The following TNFSF8 variants were observed in gnomAD, a reference collection of about 807,000 sequenced individuals.
TNFSF8 encodes tumor necrosis factor ligand superfamily member 8.
A neutral mutation model predicts 22.0 loss-of-function variants in TNFSF8; 4 were observed. The ratio of observed to expected loss-of-function variants is 0.18; its 90% CI spans 0.09 to 0.42. The LOEUF (loss-of-function observed/expected upper bound fraction) is 0.42. TNFSF8 is among the 10% of genes least tolerant of loss of function. The pLI is 1.00. For missense variants in TNFSF8, 233 were observed against 281.8 expected, an observed-to-expected ratio of 0.83 and a Z score of 1.24; for synonymous variants, 106 against 112.5, an observed-to-expected ratio of 0.94 and a Z score of 0.37.
At chr9:114,926,181 A>G (rs1828055409) in intron 1 of TNFSF8, among the ~76,000 whole-genome samples, 1 of 152,208 alleles carries the variant, frequency 6.6e-6, no homozygotes, top group Non-Finnish European at 1.5e-5. Context: ...GTACACTAGT[A>G]CAATCTCTTT....
At chr9:114,928,295 G>C (rs1318379398) in intron 1 of TNFSF8, among the ~76,000 whole-genome samples, 1 of 152,152 alleles carries the variant, frequency 6.6e-6, no homozygotes, top group Non-Finnish European at 1.5e-5. Context: ...AGGGGATGCT[G>C]CTTGCATCAA....
At chr9:114,922,531 T>A (rs893744168) in intron 1 of TNFSF8, among the ~76,000 whole-genome samples, 1 of 152,188 alleles carries the variant, frequency 6.6e-6, no homozygotes, top group Non-Finnish European at 1.5e-5. Flanking sequence ...GATTTCATAA[T>A]GTGATAATGT....
At chr9:114,915,002 G>A (rs1044209922) in intron 2 of TNFSF8, among the ~76,000 whole-genome samples, 1 of 152,172 alleles carries the variant, frequency 6.6e-6, no homozygotes, top group African/African-American at 2.4e-5. Context: ...TGCTGATGGT[G>A]GAAGATTTTC....
chr9:114,905,843 A>G lies in TNFSF8; in HGVS notation c.295T>C (p.Trp99Arg). ...GGTTACTGACCTTGGAGGTAGGCCC[A>G]TGACTTCTTGAATGGAGCCCTTTTC... Reference protein sequence around the residue: ...ILKRAPFKKSWAYLQVAKHLN... With the variant: ...ILKRAPFKKSRAYLQVAKHLN... Residue 99 changes from tryptophan to arginine, a missense_variant, in exon 3 of 4, where the codon TGG becomes CGG. Physicochemically the swap from Trp to Arg is moderately radical, Grantham distance 101 (BLOSUM62 -3). Coordinates refer to ENST00000223795, the MANE Select transcript of TNFSF8 (RefSeq NM_001244.4). 6.2e-7 allele frequency: 1 copy of G among 1,612,686 alleles called. No individual in the cohort carries two copies. The highest frequency in any genetic ancestry group is 8.5e-7 in the Non-Finnish European group (1 of 1,178,664).
chr9:114,914,426 G>A (rs1564370230), intron 2 of TNFSF8, among the ~76,000 whole-genome samples: 4 of 152,166 alleles, frequency 2.6e-5, no homozygotes, highest in African/African-American at 9.7e-5. Flanking sequence ...TCTGATTTGG[G>A]CAAATAAGCC....
intron 1 of TNFSF8, among the ~76,000 whole-genome samples, chr9:114,923,503 TTTCTTTCTTTCTTTCTTTC>T (rs1301747047): frequency 5.9e-5 from 5 of 84,490 alleles, no homozygotes; most frequent in African/African-American, 1.7e-4. Context: ...TCTTTCTTTC[TTTCTTTCTTTCTTTCTTTC>T]TTTTTTTTTT....
chr9:114,905,358 G>A (rs145162705), intron 3 of TNFSF8, among the ~76,000 whole-genome samples: 169 of 152,332 alleles, frequency 1.1e-3, no homozygotes, highest in Non-Finnish European at 2.1e-3. Flanking sequence ...TCGGCCCTGT[G>A]CTGACATGTT....
downstream of TNFSF8, among the ~76,000 whole-genome samples, chr9:114,897,191 G>A (rs113701664): frequency 9.2e-3 from 1,404 of 152,154 alleles, 23 homozygotes; most frequent in African/African-American, 0.032. Context: ...ATAAGCCACT[G>A]TCCCCGGCCT....
chr9:114,912,083 G>T, intron 2 of TNFSF8, among the ~76,000 whole-genome samples: 1 of 152,184 alleles, frequency 6.6e-6, no homozygotes, highest in East Asian at 1.9e-4. Flanking sequence ...ACAGACTTAT[G>T]TTCAAATTCC....
At chr9:114,897,329 A>C (rs1827667336), downstream of TNFSF8, among the ~76,000 whole-genome samples, 1 of 151,614 alleles carries the variant, frequency 6.6e-6, no homozygotes, top group Non-Finnish European at 1.5e-5. Flanking sequence ...TTATGTTTAA[A>C]GTGGTTTTCT....
chr9:114,906,504 C>T (rs1827787664), intron 2 of TNFSF8, among the ~76,000 whole-genome samples: 1 of 152,172 alleles, frequency 6.6e-6, no homozygotes. Flanking sequence ...CGCCTAAGTT[C>T]AGACAAGTTT....
intron 1 of TNFSF8, among the ~76,000 whole-genome samples, chr9:114,926,273 C>CA (rs1828056500): frequency 1.3e-5 from 2 of 151,854 alleles, no homozygotes; most frequent in South Asian, 4.1e-4. Context: ...ACTAAAAATA[C>CA]AAAAAAATTA....
At chr9:114,918,223 T>C (rs868593078) in intron 1 of TNFSF8, 85 bp from the exon 2 acceptor site, 1 of 1,262,020 alleles carries the variant, frequency 7.9e-7, no homozygotes. Flanking sequence ...TTTGTTGTCC[T>C]TAAAGTACTG....
chr9:114,906,036 T>G, intron 2 of TNFSF8, 137 bp from the exon 3 acceptor site: 1 of 604,676 alleles, frequency 1.7e-6, no homozygotes, highest in South Asian at 2.2e-5. Context: ...GAAAAGCTCT[T>G]TATTTCTCAT....
At chr9:114,898,243 C>T (rs183236743), downstream of TNFSF8, among the ~76,000 whole-genome samples, 157 of 152,206 alleles carry the variant, frequency 1.0e-3, no homozygotes, top group Non-Finnish European at 1.3e-3. Context: ...ATCTCATGAT[C>T]CGCCCGCCTC....
intron 1 of TNFSF8, among the ~76,000 whole-genome samples, chr9:114,919,527 A>G (rs796552946): frequency 2.9e-4 from 44 of 152,340 alleles, no homozygotes; most frequent in African/African-American, 9.9e-4. Flanking sequence ...CTCTCCAGCC[A>G]TGGAGACACC....
intron 1 of TNFSF8, among the ~76,000 whole-genome samples, chr9:114,922,930 G>A (rs1828007203): frequency 6.6e-6 from 1 of 152,058 alleles, no homozygotes. Flanking sequence ...GCCAGGCCAT[G>A]GACCACACCT....
intron 1 of TNFSF8, among the ~76,000 whole-genome samples, chr9:114,924,941 C>A (rs1828038180): frequency 6.6e-6 from 1 of 152,164 alleles, no homozygotes; most frequent in Non-Finnish European, 1.5e-5. Flanking sequence ...TTCTGGATTG[C>A]TAAATGGAAT....
intron 1 of TNFSF8, among the ~76,000 whole-genome samples, chr9:114,925,834 G>GTAAA (rs1322889200): frequency 6.6e-6 from 1 of 152,078 alleles, no homozygotes; most frequent in African/African-American, 2.4e-5. Flanking sequence ...GGCTAGAGAA[G>GTAAA]CCCAGTCTCC....
Sources: allele counts gnomAD v4.1 joint callset (sites outside exome capture counted in the v4.1 genomes callset), GRCh38; gene constraint gnomAD v4.1.1; transcripts MANE v1.5; gene names NCBI Gene and HGNC (gene_info 2026-07-23, HGNC 2026-07-21).